The following OSBPL8 variants were observed in gnomAD, a reference collection of about 807,000 sequenced individuals.
OSBPL8 encodes the protein oxysterol binding protein like 8.
OSBPL8 carries 59 observed loss-of-function variants against 125.5 expected under a neutral mutation model. The observed-to-expected ratio is 0.47, with a 90% CI of 0.38 to 0.58. OSBPL8 has a LOEUF of 0.58. Among genes scored for constraint, OSBPL8 ranks in the 20% least tolerant of loss-of-function variants. The pLI is 0.00. For synonymous variants in OSBPL8, 330 were observed against 338.9 expected (o/e 0.97, Z 0.29); for missense variants, 758 against 1,047.8 (o/e 0.72, Z 3.82).
rs987533432 is a variant in OSBPL8, at chr12:76,536,741, C to T, written c.-68+22656G>A. ...ATGGTAATGTGCAGAAGAACGGAGGCGGAAAGGAGCAAGTCATATGTATGA... is the reference window on the plus strand; with the variant it reads ...ATGGTAATGTGCAGAAGAACGGAGGTGGAAAGGAGCAAGTCATATGTATGA... On this transcript the variant is annotated intron_variant, in intron 1 of 23. Transcript: ENST00000261183. 4.8e-5 allele frequency among the ~76,000 whole-genome samples: 7 copies of T among 145,236 alleles called. No individual in the cohort carries two copies. The East Asian group carries it at 6.1e-4, about 13-fold the overall frequency.
intron 2 of OSBPL8, among the ~76,000 whole-genome samples, chr12:76,485,532 A>G (rs914489680): frequency 2.0e-5 from 3 of 152,188 alleles, no homozygotes; most frequent in Non-Finnish European, 2.9e-5. Context: ...AGATCACGCC[A>G]CCGCACTCCA....
At chr12:76,398,010 A>G (rs1953887075) in intron 7 of OSBPL8, 113 bp from the exon 8 acceptor site, 1 of 856,498 alleles carries the variant, frequency 1.2e-6, no homozygotes, top group Non-Finnish European at 1.8e-6. Flanking sequence ...TACACTTTAA[A>G]TATTTTATTT....
intron 2 of OSBPL8, among the ~76,000 whole-genome samples, chr12:76,465,685 T>A (rs1875329960): frequency 6.6e-6 from 1 of 151,852 alleles, no homozygotes; most frequent in Non-Finnish European, 1.5e-5. Flanking sequence ...CTTCACACAA[T>A]GAAATAGCAA....
intron 4 of OSBPL8, among the ~76,000 whole-genome samples, chr12:76,449,069 A>G (rs1277364431): frequency 6.6e-6 from 1 of 152,198 alleles, no homozygotes; most frequent in Admixed American, 6.5e-5. Flanking sequence ...ACAAGGTAGT[A>G]CTCATTTGAA....
At chr12:76,508,423 G>T (rs554946299) in intron 1 of OSBPL8, among the ~76,000 whole-genome samples, 3 of 152,074 alleles carry the variant, frequency 2.0e-5, no homozygotes, top group African/African-American at 7.2e-5. Context: ...ATTTCCCATT[G>T]CCTAGTGACA....
At chr12:76,407,255 C>T (rs1224805327) in intron 5 of OSBPL8, among the ~76,000 whole-genome samples, 1 of 152,082 alleles carries the variant, frequency 6.6e-6, no homozygotes, top group Non-Finnish European at 1.5e-5. Flanking sequence ...TATATATACA[C>T]AAATTTATAT....
At chr12:76,502,166 G>A (rs1879970928) in intron 1 of OSBPL8, among the ~76,000 whole-genome samples, 1 of 152,188 alleles carries the variant, frequency 6.6e-6, no homozygotes, top group African/African-American at 2.4e-5. Context: ...TATGCTCTGG[G>A]TCAATATGCA....
At chr12:76,407,468 A>T (rs776439471) in intron 5 of OSBPL8, among the ~76,000 whole-genome samples, 1 of 152,112 alleles carries the variant, frequency 6.6e-6, no homozygotes, top group Non-Finnish European at 1.5e-5. Flanking sequence ...GGCTGGTCTT[A>T]AACTCCTGAG....
chr12:76,359,409 C>T (rs1192770980), intron 21 of OSBPL8, among the ~76,000 whole-genome samples: 1 of 152,110 alleles, frequency 6.6e-6, no homozygotes, highest in Non-Finnish European at 1.5e-5. Flanking sequence ...AGTGGATGCA[C>T]AAGATTCAAA....
intron 1 of OSBPL8, among the ~76,000 whole-genome samples, chr12:76,525,456 T>C (rs994611636): frequency 6.6e-6 from 1 of 152,232 alleles, no homozygotes; most frequent in Non-Finnish European, 1.5e-5. Flanking sequence ...GGTTAATTAC[T>C]GGTGTGTGAC....
At chr12:76,418,367 A>G (rs1220334213) in intron 4 of OSBPL8, among the ~76,000 whole-genome samples, 4 of 152,152 alleles carry the variant, frequency 2.6e-5, no homozygotes, top group Non-Finnish European at 5.9e-5. Context: ...TAACTTACAT[A>G]AAGTAATAAG....
At chr12:76,516,469 C>G (rs550918160) in intron 1 of OSBPL8, among the ~76,000 whole-genome samples, 5 of 152,142 alleles carry the variant, frequency 3.3e-5, no homozygotes, top group Middle Eastern at 3.4e-3. Context: ...TTTTTTGTGT[C>G]TTTGTTTTTC....
intron 1 of OSBPL8, among the ~76,000 whole-genome samples, chr12:76,520,431 C>G: frequency 6.6e-6 from 1 of 152,184 alleles, no homozygotes; most frequent in Non-Finnish European, 1.5e-5. Flanking sequence ...TAATGTGAGC[C>G]TGGTATGGGT....
At position 76,354,055 on chromosome 12, in the gene OSBPL8, T is replaced by C. The variant is rs1161994054; in HGVS notation, c.*1834A>G. On this transcript the variant is annotated 3_prime_UTR_variant, in exon 24 of 24. Coordinates refer to ENST00000261183, the MANE Select transcript of OSBPL8 (RefSeq NM_020841.5). The stretch of plus-strand genomic sequence containing the variant: ...GCCAATCAATTTGTATGTAATTAAC[T>C]AATTTAAACCATAAAAAAGATCAAA... The C allele has an allele frequency of 6.6e-6, 1 of 152,318 alleles. No homozygotes were observed. The highest frequency in any genetic ancestry group is 2.0e-4 in the East Asian group (1 of 5,126). The allele number at this position is 152,318 out of a possible 1,614,324, so 9.4% of individuals were successfully genotyped here.
chr12:76,359,074 T>A (rs1952099597), intron 21 of OSBPL8, among the ~76,000 whole-genome samples: 2 of 152,188 alleles, frequency 1.3e-5, no homozygotes, highest in South Asian at 4.1e-4. Context: ...ACTAAATAGG[T>A]ACCCATCACT....
rs1953187303 is a variant in OSBPL8, at chr12:76,384,150, G to A, written c.1630+104C>T. The stretch of plus-strand genomic sequence containing the variant: ...TTCAAGGAAAGATGATACTTAAAAT[G>A]ACAAACTCCTTGTTGAAAATAGCCC... On this transcript the variant is annotated intron_variant, in intron 15 of 23. Transcript: ENST00000261183. 7.3e-6 allele frequency: 4 copies of A among 550,272 alleles called. No homozygotes were observed. The Admixed American group carries it at 1.0e-4, about 14-fold the overall frequency. The allele number at this position is 550,272 out of a possible 1,614,324, so 34.1% of individuals were successfully genotyped here.
At chr12:76,539,122 C>G (rs891487867) in intron 1 of OSBPL8, among the ~76,000 whole-genome samples, 1 of 149,930 alleles carries the variant, frequency 6.7e-6, no homozygotes, top group Non-Finnish European at 1.5e-5. Context: ...GAACCACCTA[C>G]CTTAAAACCA....
intron 8 of OSBPL8, among the ~76,000 whole-genome samples, chr12:76,395,593 G>A (rs1368657340): frequency 6.6e-6 from 1 of 152,094 alleles, no homozygotes; most frequent in South Asian, 2.1e-4. Flanking sequence ...TTATGGGCCA[G>A]TTCCTAAAAC....
chr12:76,419,043 CTGGCTAACA>C (rs1443424882), intron 4 of OSBPL8, among the ~76,000 whole-genome samples: 1 of 152,100 alleles, frequency 6.6e-6, no homozygotes, highest in Non-Finnish European at 1.5e-5. Context: ...TGAGACCAAC[CTGGCTAACA>C]TGGTGAAACC....
Sources: allele counts gnomAD v4.1 joint callset (sites outside exome capture counted in the v4.1 genomes callset), GRCh38; gene constraint gnomAD v4.1.1; transcripts MANE v1.5; gene names NCBI Gene and HGNC (gene_info 2026-07-23, HGNC 2026-07-21).